The following CDIPT variants were observed in gnomAD, a reference collection of about 807,000 sequenced individuals.
CDIPT encodes CDP-diacylglycerol--inositol 3-phosphatidyltransferase.
In CDIPT, 17 loss-of-function variants were observed where a neutral mutation model predicts 21.6. The ratio of observed to expected loss-of-function variants is 0.79; its 90% CI spans 0.54 to 1.18. The LOEUF (loss-of-function observed/expected upper bound fraction) is 1.18, where lower values mean the gene tolerates loss of function less well. Among genes scored for constraint, CDIPT ranks in the 50% most tolerant of loss-of-function variants. The pLI is 0.00. For missense variants in CDIPT, 254 were observed against 284.9 expected (o/e 0.89, Z 0.78); for synonymous variants, 119 against 117.9 (o/e 1.01, Z -0.06).
Position 29,860,914 on chromosome 16 carries a change from T to C in CDIPT, c.332+192A>G, listed in dbSNP as rs555992412. On this transcript the variant is annotated intron_variant, in intron 3 of 5. Coordinates refer to ENST00000219789, the MANE Select transcript of CDIPT (RefSeq NM_006319.5). Reference sequence around the variant, plus strand: ...ACCCAGCCAGAAGAGTCCTAAGAATTGCTTAATGCAACTGTAAACATGACT... The same window carrying C: ...ACCCAGCCAGAAGAGTCCTAAGAATCGCTTAATGCAACTGTAAACATGACT... 2.1e-4 allele frequency: 131 copies of C among 631,652 alleles called. 1 individual carries two copies. Among genetic ancestry groups the C allele is most frequent in the African/African-American group, 1.9e-3 (103 of 54,668 alleles). 39.1% of individuals were successfully genotyped at this position (631,652 alleles called of 1,614,324 possible).
chr16:29,861,302 G>A (rs2067680280), intron 2 of CDIPT, 43 bp from the exon 3 acceptor site: 2 of 1,611,306 alleles, frequency 1.2e-6, no homozygotes, highest in Non-Finnish European at 1.7e-6. Flanking sequence ...CACAGTGGAT[G>A]CAGGACAGGT....
At position 29,862,505 on chromosome 16, in the gene CDIPT, G is replaced by A. The variant is rs2067691330; in HGVS notation, c.178+81C>T. 4 of 1,412,074 alleles carry A rather than the reference G, an allele frequency of 2.8e-6. No homozygotes were observed. Among genetic ancestry groups the A allele is most frequent in the East Asian group, 2.5e-5 (1 of 40,134 alleles). 87.5% of individuals were successfully genotyped at this position (1,412,074 alleles called of 1,614,324 possible). A position where few individuals can be genotyped will look rare whatever the true frequency, so the allele number is the denominator to read the frequency against. ...CCAGAGATGGGAATGACAGCCCTCT[G>A]ACTCTGAGGTCCCGAGGAGGCAGGG... On this transcript the variant is annotated intron_variant, in intron 2 of 5. Transcript: ENST00000219789. This position sits in a 1 kb window ranked among gnomAD's most constrained non-coding sequence, Gnocchi z 6.7.
In CDIPT at chr16:29,859,362, G is replaced by T; in HGVS notation, c.497-28C>A. 1 of 1,572,394 alleles carries T rather than the reference G, an allele frequency of 6.4e-7. No individual in the cohort carries two copies. Among genetic ancestry groups the T allele is most frequent in the Non-Finnish European group, 8.6e-7 (1 of 1,158,096 alleles). On this transcript the variant is annotated intron_variant, in intron 5 of 5. Transcript: ENST00000219789. This position sits in a 1 kb window ranked among gnomAD's most constrained non-coding sequence, Gnocchi z 4.5. ...GCAGGAAGGCAGCAGGGGAGTTTGG[G>T]GCCCGAAGGAGGGGGCCTCCATCTC...
In CDIPT at chr16:29,859,579, G is replaced by T; in HGVS notation, c.415-56C>A. 8.7e-7 allele frequency: 1 copy of T among 1,146,876 alleles called. No homozygotes were observed. The highest frequency in any genetic ancestry group is 1.3e-6 in the Non-Finnish European group (1 of 761,394). The allele number at this position is 1,146,876 out of a possible 1,614,324, so 71.0% of individuals were successfully genotyped here. A position where few individuals can be genotyped will look rare whatever the true frequency, so the allele number is the denominator to read the frequency against. ...AAGAGGCAGGCGTGTGCCACCCCCT[G>T]CCCCCCCAGCACTAATGAAGGCACA... On this transcript the variant is annotated intron_variant, in intron 4 of 5. Transcript: ENST00000219789. The surrounding 1 kb of genome is among the most constrained non-coding windows in gnomAD (Gnocchi z 4.5).
chr16:29,859,464 G>C lies in CDIPT; in HGVS notation c.474C>G (p.Phe158Leu). Reference protein sequence around the residue: ...NELFYCLLYLFHFSEGPLVGS... With the variant: ...NELFYCLLYLLHFSEGPLVGS... ...TACCTAAAGGTCCCTCAGAGAAATG[G>C]AACAGGTAGAGGAGGCAGTAGAAGA... Residue 158 changes from phenylalanine to leucine, a missense_variant, in exon 5 of 6, where the codon TTC (phenylalanine) becomes TTG (leucine). Physicochemically the swap from Phe to Leu is conservative, Grantham distance 22 (BLOSUM62 0). Coordinates refer to ENST00000219789, the MANE Select transcript of CDIPT (RefSeq NM_006319.5). This position sits in a 1 kb window ranked among gnomAD's most constrained non-coding sequence, Gnocchi z 4.5. 6.2e-7 allele frequency: 1 copy of C among 1,613,186 alleles called. No individual in the cohort carries two copies. Among genetic ancestry groups the C allele is most frequent in the Non-Finnish European group, 8.5e-7 (1 of 1,179,370 alleles).
At chr16:29,860,527 C>G (rs891907273) in intron 4 of CDIPT, 54 bp downstream of exon 4, 47 of 1,199,228 alleles carry the variant, frequency 3.9e-5, no homozygotes, top group Non-Finnish European at 5.6e-5. Context: ...GGATTCAGCC[C>G]AGGGCTTCCC....
chr16:29,862,544 G>A lies in CDIPT; in HGVS notation c.178+42C>T, dbSNP rs1161527392. ...GAGGAGGCAGGGGAAGGGAGGAGGGGATTGTTGAACCCCAAGGCTGGCTGA... is the reference window on the plus strand; with the variant it reads ...GAGGAGGCAGGGGAAGGGAGGAGGGAATTGTTGAACCCCAAGGCTGGCTGA... On this transcript the variant is annotated intron_variant, in intron 2 of 5. Transcript: ENST00000219789. The surrounding 1 kb of genome is among the most constrained non-coding windows in gnomAD (Gnocchi z 6.7). The A allele has an allele frequency of 1.3e-6, 2 of 1,549,294 alleles. No homozygotes were observed. The highest frequency in any genetic ancestry group is 1.2e-5 in the South Asian group (1 of 84,128).
chr16:29,861,521 C>T, intron 2 of CDIPT: 1 of 1,533,428 alleles, frequency 6.5e-7, no homozygotes. Flanking sequence ...AACCCCAGAA[C>T]CAAGACTCCA....
chr16:29,861,952 C>T (rs978647804), intron 2 of CDIPT, among the ~76,000 whole-genome samples: 64 of 152,138 alleles, frequency 4.2e-4, no homozygotes, highest in African/African-American at 1.3e-3. Context: ...AGGCTGGTCT[C>T]GAACTCCTGA....
intron 2 of CDIPT, 52 bp from the exon 3 acceptor site, chr16:29,861,311 G>A (rs763937029): frequency 1.4e-5 from 23 of 1,608,454 alleles, no homozygotes; most frequent in Non-Finnish European, 2.0e-5. Flanking sequence ...TGCAGGACAG[G>A]TGCCCATATT....
chr16:29,862,532 A>T lies in CDIPT; in HGVS notation c.178+54T>A. 1.3e-6 allele frequency: 2 copies of T among 1,537,472 alleles called. No homozygotes were observed. The highest frequency in any genetic ancestry group is 1.8e-6 in the Non-Finnish European group (2 of 1,135,972). On this transcript the variant is annotated intron_variant, in intron 2 of 5. Coordinates refer to ENST00000219789, the MANE Select transcript of CDIPT (RefSeq NM_006319.5). This position sits in a 1 kb window ranked among gnomAD's most constrained non-coding sequence, Gnocchi z 6.7. ...CTCTGAGGTCCCGAGGAGGCAGGGG[A>T]AGGGAGGAGGGGATTGTTGAACCCC...
chr16:29,859,252 G>T lies in CDIPT; in HGVS notation c.579C>A (p.His193Gln), dbSNP rs1386393849. The stretch of plus-strand genomic sequence containing the variant: ...CCATGTTGCGGGCGGCCGTGATCAG[G>T]TGGATGACGCTGATGAGCGACTTCA... ...ALLKSLISVI[H>Q]LITAARNMAA... The change falls in exon 6 of 6, where the codon CAC becomes CAA. Residue 193 changes from histidine (H) to glutamine (Q), a missense_variant. Transcript: ENST00000219789. The surrounding 1 kb of genome is among the most constrained non-coding windows in gnomAD (Gnocchi z 4.5). The T allele has an allele frequency of 1.9e-6, 3 of 1,593,554 alleles. No individual in the cohort carries two copies. In the African/African-American group the frequency reaches 4.0e-5, roughly 21 times the overall value.
chr16:29,858,468 A>C lies in CDIPT; in HGVS notation c.*721T>G, dbSNP rs879072426. ...AAGTCTGTGCCTTCATGGAGTTTACATTCTAGTGAGGGTAGAAAATATCAA... is the reference window on the plus strand; with the variant it reads ...AAGTCTGTGCCTTCATGGAGTTTACCTTCTAGTGAGGGTAGAAAATATCAA... On this transcript the variant is annotated 3_prime_UTR_variant, in exon 6 of 6. Coordinates refer to ENST00000219789, the MANE Select transcript of CDIPT (RefSeq NM_006319.5). 9.2e-5 allele frequency: 14 copies of C among 152,204 alleles called. No homozygotes were observed. Among genetic ancestry groups the C allele is most frequent in the African/African-American group, 3.4e-4 (14 of 41,452 alleles). The allele number at this position is 152,204 out of a possible 1,614,324, so 9.4% of individuals were successfully genotyped here. A position where few individuals can be genotyped will look rare whatever the true frequency, so the allele number is the denominator to read the frequency against.
chr16:29,861,056 C>T lies in CDIPT; in HGVS notation c.332+50G>A, dbSNP rs748869071. 11 of 1,593,984 alleles carry T rather than the reference C, an allele frequency of 6.9e-6. No individual in the cohort carries two copies. In the East Asian group the frequency reaches 2.2e-4, roughly 32 times the overall value. On this transcript the variant is annotated intron_variant, in intron 3 of 5. Coordinates refer to ENST00000219789, the MANE Select transcript of CDIPT (RefSeq NM_006319.5). ...CACCCTTCCGTCTAGGCTCAGCCCA[C>T]CCCACTGTAATGTCTCCAAGTGGCC...
At chr16:29,860,922 G>T in intron 3 of CDIPT, 184 bp downstream of exon 3, 2 of 639,508 alleles carry the variant, frequency 3.1e-6, no homozygotes, top group Non-Finnish European at 2.7e-6. Flanking sequence ...ATTGCTTAAT[G>T]CAACTGTAAA....
At position 29,859,288 on chromosome 16, in the gene CDIPT, G is replaced by T; in HGVS notation, c.543C>A (p.Pro181=). Residue 181 remains proline, a synonymous_variant, in exon 6 of 6, where the codon CCC becomes CCA. Coordinates refer to ENST00000219789, the MANE Select transcript of CDIPT (RefSeq NM_006319.5). The surrounding 1 kb of genome is among the most constrained non-coding windows in gnomAD (Gnocchi z 4.5). The stretch of plus-strand genomic sequence containing the variant: ...TGATGAGCGACTTCAGCAAGGCGAT[G>T]GGGGCAGTGACCCAGAGGCCCATCC... ...LFRMGLWVTA[P]IALLKSLISV... is the part of the protein sequence containing the mutation. The T allele has an allele frequency of 6.3e-7, 1 of 1,575,804 alleles. No individual in the cohort carries two copies.
Position 29,862,884 on chromosome 16 carries a change from C to T in CDIPT, c.-27G>A. The T allele has an allele frequency of 6.2e-7, 1 of 1,612,684 alleles. No individual in the cohort carries two copies. The highest frequency in any genetic ancestry group is 8.5e-7 in the Non-Finnish European group (1 of 1,179,592). On this transcript the variant is annotated 5_prime_UTR_variant, in exon 1 of 6. Transcript: ENST00000219789. The surrounding 1 kb of genome is among the most constrained non-coding windows in gnomAD (Gnocchi z 6.7). ...GCGGCGCCTCCCTTGCTGCCCCGGG[C>T]CTGCTCTGGAGATGCCAGTGCTGTC...
In CDIPT at chr16:29,862,916, C is replaced by T. The variant is rs756385242; in HGVS notation, c.-59G>A. ...TGGAGATGCCAGTGCTGTCCCAGCCCCGCAGCGCGGCCTCAGCCTCCGGCC... is the reference window on the plus strand; with the variant it reads ...TGGAGATGCCAGTGCTGTCCCAGCCTCGCAGCGCGGCCTCAGCCTCCGGCC... On this transcript the variant is annotated 5_prime_UTR_variant, in exon 1 of 6. Transcript: ENST00000219789. The surrounding 1 kb of genome is among the most constrained non-coding windows in gnomAD (Gnocchi z 6.7). 23 of 1,598,258 alleles carry T rather than the reference C, an allele frequency of 1.4e-5. No individual in the cohort carries two copies. In the African/African-American group the frequency reaches 3.1e-4, roughly 21 times the overall value.
At chr16:29,861,304 A>G (rs775741819) in intron 2 of CDIPT, 45 bp from the exon 3 acceptor site, 2 of 1,610,772 alleles carry the variant, frequency 1.2e-6, no homozygotes, top group East Asian at 2.2e-5. Context: ...CAGTGGATGC[A>G]GGACAGGTGC....
Sources: allele counts gnomAD v4.1 joint callset (sites outside exome capture counted in the v4.1 genomes callset), GRCh38; gene constraint gnomAD v4.1.1; non-coding constraint Gnocchi (gnomAD v3.1); transcripts MANE v1.5; gene names NCBI Gene and HGNC (gene_info 2026-07-23, HGNC 2026-07-21).